Variants in DCLK1 observed in about 807,000 individuals in gnomAD.
DCLK1 encodes the protein doublecortin like kinase 1.
DCLK1 carries 16 observed loss-of-function variants against 86.2 expected under a neutral mutation model. The ratio of observed to expected loss-of-function variants is 0.19; its 90% CI spans 0.13 to 0.28. The LOEUF (loss-of-function observed/expected upper bound fraction) is 0.28. Among genes scored for constraint, DCLK1 ranks in the 10% least tolerant of loss-of-function variants. The pLI is 1.00. For synonymous variants in DCLK1, 369 were observed against 370.5 expected (o/e 1.00, Z 0.05); for missense variants, 590 against 940.2 (o/e 0.63, Z 4.87).
At chr13:35,867,963 A>AAGAGAG (rs1555345767) in intron 5 of DCLK1, among the ~76,000 whole-genome samples, 1 of 135,156 alleles carries the variant, frequency 7.4e-6, no homozygotes, top group African/African-American at 2.7e-5. Context: ...GAAAGAAAGA[A>AAGAGAG]AGAGAAAAAG....
intron 6 of DCLK1, chr13:35,847,441 T>C: frequency 1.0e-6 from 1 of 985,084 alleles, no homozygotes; most frequent in Non-Finnish European, 1.2e-6. Context: ...CATACCCACA[T>C]ACACACCAAG....
At chr13:35,848,226 AAAG>A in intron 6 of DCLK1, 2 of 985,226 alleles carry the variant, frequency 2.0e-6, no homozygotes, top group Non-Finnish European at 2.4e-6. Context: ...TTTTTTTTAT[AAAG>A]AATTCTATAA....
chr13:35,867,050 A>G (rs987919756), intron 5 of DCLK1, among the ~76,000 whole-genome samples: 5 of 152,188 alleles, frequency 3.3e-5, no homozygotes, highest in African/African-American at 1.2e-4. Context: ...TTCCAGGGAA[A>G]GGAGGTGGTC....
chr13:35,784,788 G>C (rs991819451), intron 16 of DCLK1, among the ~76,000 whole-genome samples: 3 of 152,034 alleles, frequency 2.0e-5, no homozygotes, highest in African/African-American at 7.2e-5. Flanking sequence ...AGGACAACTA[G>C]CCACCGAGCA....
chr13:35,891,287 C>T (rs1271188847), intron 4 of DCLK1, among the ~76,000 whole-genome samples: 1 of 151,942 alleles, frequency 6.6e-6, no homozygotes, highest in Non-Finnish European at 1.5e-5. Flanking sequence ...TGACAGAGAG[C>T]CAAGCTGGAT....
chr13:35,960,923 C>T (rs1878421420), intron 3 of DCLK1, among the ~76,000 whole-genome samples: 2 of 152,106 alleles, frequency 1.3e-5, no homozygotes, highest in Admixed American at 1.3e-4. Context: ...TCTGAATGTC[C>T]CTAGTGGTCC....
At chr13:35,878,636 T>C (rs1247362875) in intron 4 of DCLK1, among the ~76,000 whole-genome samples, 2 of 152,122 alleles carry the variant, frequency 1.3e-5, no homozygotes, top group Admixed American at 6.5e-5. Context: ...TTTAATTGTA[T>C]ACTTAAAAAT....
intron 1 of DCLK1, among the ~76,000 whole-genome samples, chr13:36,127,357 G>T (rs7328269): frequency 0.22 from 33,262 of 152,170 alleles, 3,711 homozygotes; most frequent in Middle Eastern, 0.25. Flanking sequence ...AAAATGTTTG[G>T]AAGTACATTT....
At chr13:35,783,275 G>C (rs951248538) in intron 16 of DCLK1, among the ~76,000 whole-genome samples, 1 of 152,090 alleles carries the variant, frequency 6.6e-6, no homozygotes, top group African/African-American at 2.4e-5. Flanking sequence ...TCTGTGGAGT[G>C]GGTGATTTGC....
At chr13:35,934,296 G>C (rs1452533859) in intron 4 of DCLK1, among the ~76,000 whole-genome samples, 1 of 152,022 alleles carries the variant, frequency 6.6e-6, no homozygotes, top group South Asian at 2.1e-4. Flanking sequence ...ACATTTTTGG[G>C]TATCTTCTTA....
intron 3 of DCLK1, among the ~76,000 whole-genome samples, chr13:36,096,741 A>C (rs575851681): frequency 1.3e-5 from 2 of 152,346 alleles, no homozygotes; most frequent in South Asian, 4.1e-4. Flanking sequence ...TAATCAGCTT[A>C]TAAATGGTAT....
At chr13:35,996,505 T>C (rs1880484069) in intron 3 of DCLK1, among the ~76,000 whole-genome samples, 2 of 152,324 alleles carry the variant, frequency 1.3e-5, no homozygotes, top group Admixed American at 1.3e-4. Context: ...GACTGCCCTC[T>C]GTAATGCAGG....
intron 4 of DCLK1, among the ~76,000 whole-genome samples, chr13:35,943,656 T>TG (rs913751264): frequency 4.0e-5 from 6 of 151,410 alleles, no homozygotes; most frequent in Admixed American, 1.3e-4. Context: ...CCAAGCAGAG[T>TG]GGGGGTACTG....
chr13:35,842,826 C>T (rs1869901109), intron 6 of DCLK1, among the ~76,000 whole-genome samples: 2 of 152,140 alleles, frequency 1.3e-5, no homozygotes, highest in African/African-American at 4.8e-5. Context: ...CTGATCTGGT[C>T]TCCTAATGTT....
intron 3 of DCLK1, among the ~76,000 whole-genome samples, chr13:36,089,966 A>G (rs934863054): frequency 6.6e-6 from 1 of 152,200 alleles, no homozygotes; most frequent in Non-Finnish European, 1.5e-5. Flanking sequence ...TGCAATTCCT[A>G]TGGTCCCCAA....
At chr13:35,856,491 T>C (rs977099974) in intron 5 of DCLK1, among the ~76,000 whole-genome samples, 5 of 152,262 alleles carry the variant, frequency 3.3e-5, no homozygotes, top group African/African-American at 1.2e-4. Context: ...GCTACATAGA[T>C]TGGAGGGAAA....
intron 2 of DCLK1, among the ~76,000 whole-genome samples, chr13:36,125,100 G>C (rs1886124109): frequency 6.6e-6 from 1 of 152,064 alleles, no homozygotes; most frequent in Non-Finnish European, 1.5e-5. Flanking sequence ...AACAGATAAT[G>C]ACTATTAACC....
intron 3 of DCLK1, among the ~76,000 whole-genome samples, chr13:35,979,285 A>T (rs752753441): frequency 4.6e-5 from 7 of 152,220 alleles, no homozygotes; most frequent in Non-Finnish European, 1.0e-4. Flanking sequence ...CCCGGGATTC[A>T]GAAGACCCGG....
chr13:36,045,312 C>G, intron 3 of DCLK1, among the ~76,000 whole-genome samples: 1 of 60,280 alleles, frequency 1.7e-5, no homozygotes, highest in Non-Finnish European at 3.5e-5. Context: ...ATATATATGT[C>G]TATATATGTG....
Sources: gnomAD v4.1 joint callset for allele counts (sites outside exome capture counted in the v4.1 genomes callset) on GRCh38, gnomAD v4.1.1 for gene constraint, MANE v1.5 for transcripts, NCBI Gene and HGNC (gene_info 2026-07-23, HGNC 2026-07-21) for gene names.